CMIP: variants seen among roughly 807,000 people sequenced by gnomAD.
The protein encoded by CMIP is C-Maf-inducing protein.
Under a neutral mutation model 97.3 loss-of-function variants are expected in CMIP, and 13 were observed. The observed-to-expected ratio is 0.13, with a 90% CI of 0.09 to 0.21. The LOEUF (loss-of-function observed/expected upper bound fraction) is 0.21, where lower values mean the gene tolerates loss of function less well. Among genes scored for constraint, CMIP ranks in the 10% least tolerant of loss-of-function variants. CMIP has a pLI of 1.00. For synonymous variants in CMIP, 538 were observed against 436.3 expected (o/e 1.23, Z -2.91); for missense variants, 847 against 1,024.9 (o/e 0.83, Z 2.37).
chr16:81,474,697 CAG>C (rs1410013554), intron 1 of CMIP, among the ~76,000 whole-genome samples: 4 of 152,228 alleles, frequency 2.6e-5, no homozygotes, highest in Admixed American at 6.5e-5. Context: ...GGAGGGGCCT[CAG>C]TGTTGGCCGT....
chr16:81,685,889 C>G lies in CMIP; in HGVS notation c.1389-5886C>G, dbSNP rs73600463. On this transcript the variant is annotated intron_variant, in intron 10 of 20. Transcript: ENST00000537098. Reference sequence around the variant, plus strand: ...CAGTGTCCTTGTGATATAGGGAGATCGTCTTCCTTCTCAGGTGTGAGCCGG... The same window carrying G: ...CAGTGTCCTTGTGATATAGGGAGATGGTCTTCCTTCTCAGGTGTGAGCCGG... 3.9e-5 allele frequency among the ~76,000 whole-genome samples: 6 copies of G among 152,224 alleles called. No individual in the cohort carries two copies. The South Asian group carries it at 8.3e-4, about 21-fold the overall frequency.
At chr16:81,631,889 G>A (rs928976653) in intron 3 of CMIP, 2 of 152,238 alleles carry the variant, frequency 1.3e-5, no homozygotes, top group Non-Finnish European at 2.9e-5. Flanking sequence ...TTGCACCAGT[G>A]TATACTTGCA....
intron 1 of CMIP, among the ~76,000 whole-genome samples, chr16:81,552,892 C>T (rs1417236835): frequency 1.3e-5 from 2 of 152,190 alleles, no homozygotes; most frequent in Non-Finnish European, 2.9e-5. Flanking sequence ...AATGAGGGCC[C>T]TGTCCTCATG....
intron 1 of CMIP, among the ~76,000 whole-genome samples, chr16:81,534,836 C>G (rs986128191): frequency 2.0e-5 from 3 of 152,172 alleles, no homozygotes; most frequent in African/African-American, 4.8e-5. Flanking sequence ...TTGCTATTAT[C>G]AGATACTAAA....
At chr16:81,681,311 C>G (rs1001050449) in intron 10 of CMIP, among the ~76,000 whole-genome samples, 1 of 152,194 alleles carries the variant, frequency 6.6e-6, no homozygotes, top group Non-Finnish European at 1.5e-5. Context: ...CTGGTTGGAC[C>G]CAAACAACCC....
chr16:81,453,249 C>A lies in CMIP; in HGVS notation c.300+7708C>A, dbSNP rs1159694058. 6.6e-6 allele frequency among the ~76,000 whole-genome samples: 1 copy of A among 152,192 alleles called. No individual in the cohort carries two copies. The highest frequency in any genetic ancestry group is 6.5e-5 in the Admixed American group (1 of 15,280). On this transcript the variant is annotated intron_variant, in intron 1 of 20. Coordinates refer to ENST00000537098, the MANE Select transcript of CMIP (RefSeq NM_198390.3). The surrounding 1 kb of genome is among the most constrained non-coding windows in gnomAD (Gnocchi z 4.0). ...AGAAATGGTAGGGTGGACGGAGCGA[C>A]TAAACTGATTGTGCTGGGCGAACTC...
At chr16:81,589,200 G>C (rs2091429104) in intron 1 of CMIP, among the ~76,000 whole-genome samples, 1 of 151,992 alleles carries the variant, frequency 6.6e-6, no homozygotes, top group Admixed American at 6.6e-5. Flanking sequence ...TGATTCAAGC[G>C]ATTCTCCTGC....
chr16:81,545,967 C>T (rs1051331430), intron 1 of CMIP, among the ~76,000 whole-genome samples: 10 of 152,240 alleles, frequency 6.6e-5, no homozygotes, highest in Admixed American at 1.3e-4. Flanking sequence ...GAGAATCCAC[C>T]GTGACCTACA....
At chr16:81,570,675 A>C (rs144496002) in intron 1 of CMIP, among the ~76,000 whole-genome samples, 4 of 152,208 alleles carry the variant, frequency 2.6e-5, no homozygotes, top group African/African-American at 9.6e-5. Flanking sequence ...CCCTGGCAAA[A>C]ACGCGGTCCT....
chr16:81,465,972 G>A (rs1265355107), intron 1 of CMIP, among the ~76,000 whole-genome samples: 1 of 152,192 alleles, frequency 6.6e-6, no homozygotes, highest in Non-Finnish European at 1.5e-5. Flanking sequence ...AATTTCAGGT[G>A]GCAAGAAGTC....
At chr16:81,620,986 G>T in intron 3 of CMIP, 60 bp downstream of exon 3, 3 of 1,599,742 alleles carry the variant, frequency 1.9e-6, no homozygotes, top group South Asian at 1.1e-5. Context: ...ATGGCTTAAA[G>T]CCAATCTGTC....
intron 1 of CMIP, among the ~76,000 whole-genome samples, chr16:81,529,155 G>C (rs1318745492): frequency 6.6e-6 from 1 of 152,240 alleles, no homozygotes; most frequent in African/African-American, 2.4e-5. Flanking sequence ...ACGGATATAA[G>C]GGGGGAAGAA....
At chr16:81,512,036 T>C (rs1335416589) in intron 1 of CMIP, among the ~76,000 whole-genome samples, 1 of 152,262 alleles carries the variant, frequency 6.6e-6, no homozygotes, top group Non-Finnish European at 1.5e-5. Context: ...ATTTTTTGTA[T>C]TGATTATATG....
chr16:81,506,877 C>A (rs545317764), intron 1 of CMIP, among the ~76,000 whole-genome samples: 2 of 149,168 alleles, frequency 1.3e-5, no homozygotes, highest in East Asian at 4.0e-4. Flanking sequence ...TCCACTCCAG[C>A]CTGGATGACA....
chr16:81,459,014 GTCACCATCACTGTCACCA>G (rs368280418), intron 1 of CMIP, among the ~76,000 whole-genome samples: 8,316 of 148,466 alleles, frequency 0.056, 296 homozygotes, highest in Middle Eastern at 0.099. Flanking sequence ...CACCGTCACC[GTCACCATCACTGTCACCA>G]TCACCATCAC....
At chr16:81,575,660 C>T (rs2091176199) in intron 1 of CMIP, among the ~76,000 whole-genome samples, 1 of 152,120 alleles carries the variant, frequency 6.6e-6, no homozygotes, top group South Asian at 2.1e-4. Flanking sequence ...CAGTTACTGC[C>T]AACGGGACAG....
chr16:81,593,755 TCTCAC>T (rs2091502442), intron 1 of CMIP, among the ~76,000 whole-genome samples: 1 of 152,100 alleles, frequency 6.6e-6, no homozygotes, highest in Non-Finnish European at 1.5e-5. Context: ...CCATCTGCTT[TCTCAC>T]AGCTACACTC....
At chr16:81,641,817 G>A (rs757514335) in intron 3 of CMIP, among the ~76,000 whole-genome samples, 8 of 152,290 alleles carry the variant, frequency 5.3e-5, no homozygotes, top group South Asian at 2.1e-4. Flanking sequence ...TCAACTCTCC[G>A]ATTTGAAGGC....
Position 81,678,640 on chromosome 16 carries a change from C to CA in CMIP, c.1388+12_1388+13insA. The CA allele has an allele frequency of 1.5e-6, 2 of 1,362,278 alleles. No homozygotes were observed. Among genetic ancestry groups the CA allele is most frequent in the East Asian group, 2.3e-5 (1 of 42,958 alleles). 84.4% of individuals were successfully genotyped at this position (1,362,278 alleles called of 1,614,324 possible). On this transcript the variant is annotated intron_variant, in intron 10 of 20. Coordinates refer to ENST00000537098, the MANE Select transcript of CMIP (RefSeq NM_198390.3). ...ATCCTCAAGCTGCTGTGAGTGCCCC[C>CA]CCCGCGTGCCCGCCCCCGGGGCCGG...
Sources: gnomAD v4.1 joint callset for allele counts (sites outside exome capture counted in the v4.1 genomes callset) on GRCh38, gnomAD v4.1.1 for gene constraint, Gnocchi (gnomAD v3.1) non-coding constraint, MANE v1.5 for transcripts, NCBI Gene and HGNC (gene_info 2026-07-23, HGNC 2026-07-21) for gene names.